The following SNX29 variants were observed in gnomAD, a reference collection of about 807,000 sequenced individuals.
The protein encoded by SNX29 is sorting nexin-29.
SNX29 carries 78 observed loss-of-function variants against 102.1 expected under a neutral mutation model. That is an observed-to-expected ratio of 0.76 (90% confidence interval 0.64 to 0.92). The LOEUF is 0.92. SNX29 is among the 40% of genes least tolerant of loss of function. The pLI, the probability that SNX29 is intolerant of heterozygous loss-of-function variation, is 0.00. For synonymous variants in SNX29, 580 were observed against 414.5 expected, an observed-to-expected ratio of 1.40 and a Z score of -4.85; for missense variants, 1,280 against 1,061.7, an observed-to-expected ratio of 1.21 and a Z score of -2.86.
chr16:12,228,398 A>AG (rs2077677180), intron 14 of SNX29, among the ~76,000 whole-genome samples: 1 of 152,226 alleles, frequency 6.6e-6, no homozygotes, highest in Non-Finnish European at 1.5e-5. Context: ...TTGGCACTCG[A>AG]GGTCAGGTTC....
chr16:12,529,534 A>C (rs80203198), intron 20 of SNX29, among the ~76,000 whole-genome samples: 1,891 of 152,226 alleles, frequency 0.012, 21 homozygotes, highest in Non-Finnish European at 0.017. Flanking sequence ...AGAGTAATTT[A>C]ACTTTGGGAA....
intron 13 of SNX29, among the ~76,000 whole-genome samples, chr16:12,197,933 T>C (rs1216197694): frequency 6.6e-6 from 1 of 151,910 alleles, no homozygotes; most frequent in Non-Finnish European, 1.5e-5. Context: ...TGAGAAGTAG[T>C]CAGCTGCATT....
At chr16:12,246,824 T>G (rs1034467664) in intron 14 of SNX29, among the ~76,000 whole-genome samples, 5 of 152,072 alleles carry the variant, frequency 3.3e-5, no homozygotes, top group African/African-American at 1.2e-4. Context: ...GGTCTGGATG[T>G]TGGGGATGGA....
intron 15 of SNX29, among the ~76,000 whole-genome samples, chr16:12,293,847 G>A (rs1011369288): frequency 2.0e-5 from 3 of 152,174 alleles, no homozygotes; most frequent in Non-Finnish European, 4.4e-5. Context: ...TGGCAAGCTT[G>A]CATTCATTCA....
chr16:12,431,416 TTTC>T (rs200429366), intron 18 of SNX29, among the ~76,000 whole-genome samples: 57 of 150,714 alleles, frequency 3.8e-4, no homozygotes, highest in African/African-American at 4.2e-4. Context: ...GGCTTGAGCT[TTTC>T]TTCTTCTTCT....
chr16:12,055,703 G>A (rs1207130720), intron 8 of SNX29, among the ~76,000 whole-genome samples: 1 of 152,102 alleles, frequency 6.6e-6, no homozygotes, highest in Non-Finnish European at 1.5e-5. Context: ...TTTTCCTATC[G>A]AGGCCTTGCA....
At position 12,415,735 on chromosome 16, in the gene SNX29, C is replaced by T. The variant is rs190804734; in HGVS notation, c.2037+12206C>T. Among the ~76,000 whole-genome samples, 98 of 152,258 alleles carry T rather than the reference C, an allele frequency of 6.4e-4. No individual in the cohort carries two copies. The East Asian group carries it at 0.018, about 27-fold the overall frequency. On this transcript the variant is annotated intron_variant, in intron 18 of 20. Coordinates refer to ENST00000566228, the MANE Select transcript of SNX29 (RefSeq NM_032167.5). ...CAGGTAGATGGACTCTCCTCCCCAG[C>T]GGGTCTCCATGGGGAACAGTTGGCA...
intron 18 of SNX29, among the ~76,000 whole-genome samples, chr16:12,415,495 A>C (rs1047581589): frequency 6.6e-6 from 1 of 152,214 alleles, no homozygotes; most frequent in African/African-American, 2.4e-5. Context: ...ACAGAGTATA[A>C]ACTTAAAAAA....
At chr16:12,412,697 G>T (rs902331649) in intron 18 of SNX29, among the ~76,000 whole-genome samples, 24 of 152,218 alleles carry the variant, frequency 1.6e-4, no homozygotes, top group East Asian at 1.9e-4. Context: ...GTTTTGAAAG[G>T]TACATTCAGA....
chr16:12,121,683 G>A (rs2053979357), intron 11 of SNX29, among the ~76,000 whole-genome samples: 3 of 152,212 alleles, frequency 2.0e-5, no homozygotes, highest in Admixed American at 2.0e-4. Flanking sequence ...CTGCCTTGTG[G>A]CTGCATCTGC....
In SNX29 at chr16:12,476,368, A is replaced by T. The variant is rs1290576749; in HGVS notation, c.2038-1351A>T. On this transcript the variant is annotated intron_variant, in intron 18 of 20. Transcript: ENST00000566228. ...ACATTTCTCAAAAAAAAAAAAAAAA[A>T]AAAAAAAAAAAAAAAATATATATAT... Among the ~76,000 whole-genome samples, 42 of 31,086 alleles carry T rather than the reference A, an allele frequency of 1.4e-3. 1 individual carries two copies. The highest frequency in any genetic ancestry group is 5.0e-3 in the African/African-American group (39 of 7,778). The allele number at this position is 31,086 out of a possible 152,430, so 20.4% of individuals were successfully genotyped here. A position where few individuals can be genotyped will look rare whatever the true frequency, so the allele number is the denominator to read the frequency against.
At chr16:12,510,421 A>C (rs934427892) in intron 19 of SNX29, among the ~76,000 whole-genome samples, 5 of 152,026 alleles carry the variant, frequency 3.3e-5, no homozygotes, top group African/African-American at 1.2e-4. Flanking sequence ...GGCCTATACA[A>C]CCAGCACTTT....
At chr16:12,012,952 A>G (rs1019271063) in intron 3 of SNX29, among the ~76,000 whole-genome samples, 4 of 152,018 alleles carry the variant, frequency 2.6e-5, no homozygotes, top group African/African-American at 7.3e-5. Flanking sequence ...AGAAAATGAC[A>G]AAGTCACATT....
chr16:12,551,841 C>G (rs1176117795), intron 20 of SNX29, among the ~76,000 whole-genome samples: 1 of 152,176 alleles, frequency 6.6e-6, no homozygotes, highest in African/African-American at 2.4e-5. Context: ...TTAGCTGCTG[C>G]TGGGGACACA....
chr16:12,185,827 C>T (rs374253728), intron 13 of SNX29, among the ~76,000 whole-genome samples: 1 of 152,328 alleles, frequency 6.6e-6, no homozygotes, highest in South Asian at 2.1e-4. Flanking sequence ...GATGCTATGC[C>T]TCTGCATTGT....
At chr16:12,043,118 AG>A in intron 5 of SNX29, 41 bp downstream of exon 5, 1 of 1,606,580 alleles carries the variant, frequency 6.2e-7, no homozygotes, top group East Asian at 2.2e-5. Context: ...ATGGAGCAAG[AG>A]GTGAAGATCT....
At chr16:12,185,913 A>G (rs1449169580) in intron 13 of SNX29, among the ~76,000 whole-genome samples, 1 of 152,178 alleles carries the variant, frequency 6.6e-6, no homozygotes, top group Non-Finnish European at 1.5e-5. Flanking sequence ...CCTTGTTCCC[A>G]AATGTCACTC....
intron 3 of SNX29, among the ~76,000 whole-genome samples, chr16:12,003,686 C>A (rs1346765457): frequency 6.6e-6 from 1 of 152,114 alleles, no homozygotes; most frequent in Non-Finnish European, 1.5e-5. Context: ...TTATTGTGAT[C>A]ATTTGTTCCT....
intron 13 of SNX29, among the ~76,000 whole-genome samples, chr16:12,193,991 T>C (rs2076708741): frequency 6.6e-6 from 1 of 152,238 alleles, no homozygotes; most frequent in African/African-American, 2.4e-5. Flanking sequence ...TCTTTCCATA[T>C]GAATGTTACA....
Sources: allele counts gnomAD v4.1 joint callset (sites outside exome capture counted in the v4.1 genomes callset), GRCh38; gene constraint gnomAD v4.1.1; transcripts MANE v1.5; gene names NCBI Gene and HGNC (gene_info 2026-07-23, HGNC 2026-07-21).